Variants in SYT1 observed in about 807,000 individuals in gnomAD.
SYT1 encodes the protein synaptotagmin 1.
Under a neutral mutation model 44.8 loss-of-function variants are expected in SYT1, and 8 were observed. That is an observed-to-expected ratio of 0.18 (90% confidence interval 0.10 to 0.32). SYT1 has a LOEUF of 0.32. Among genes scored for constraint, SYT1 ranks in the 10% least tolerant of loss-of-function variants. SYT1 has a pLI of 1.00. For missense variants in SYT1, 286 were observed against 509.3 expected (o/e 0.56, Z 4.22); for synonymous variants, 154 against 188.8 (o/e 0.82, Z 1.51).
At chr12:79,307,594 C>T (rs1880460690) in intron 8 of SYT1, among the ~76,000 whole-genome samples, 1 of 133,606 alleles carries the variant, frequency 7.5e-6, no homozygotes, top group Admixed American at 7.3e-5. Context: ...GTTGGGCGAG[C>T]CCGGGGATGG....
intron 3 of SYT1, among the ~76,000 whole-genome samples, chr12:79,188,313 T>TA (rs1430823065): frequency 6.6e-6 from 1 of 152,104 alleles, no homozygotes; most frequent in Non-Finnish European, 1.5e-5. Flanking sequence ...TTGGAACTTA[T>TA]AAAAAATGTA....
intron 9 of SYT1, among the ~76,000 whole-genome samples, chr12:79,418,400 G>C (rs1005656764): frequency 1.3e-5 from 2 of 152,090 alleles, no homozygotes; most frequent in Non-Finnish European, 2.9e-5. Context: ...CTCCAATGGG[G>C]TTTTGGTTAG....
intron 3 of SYT1, among the ~76,000 whole-genome samples, chr12:79,093,667 C>G (rs945129502): frequency 4.0e-5 from 6 of 151,518 alleles, no homozygotes; most frequent in Admixed American, 2.6e-4. Context: ...TTTTATGTAT[C>G]ATTTCTTCAT....
At chr12:79,180,028 A>G (rs12301398) in intron 3 of SYT1, among the ~76,000 whole-genome samples, 1 of 151,818 alleles carries the variant, frequency 6.6e-6, no homozygotes, top group Non-Finnish European at 1.5e-5. Flanking sequence ...TACTTTGTGC[A>G]TGTTATTTTA....
chr12:79,021,742 T>C (rs1872208923), intron 2 of SYT1, among the ~76,000 whole-genome samples: 1 of 151,824 alleles, frequency 6.6e-6, no homozygotes, highest in Non-Finnish European at 1.5e-5. Flanking sequence ...TTAGAAAATA[T>C]ATAATGCCCA....
chr12:79,171,850 C>G (rs974644763), intron 3 of SYT1, among the ~76,000 whole-genome samples: 1 of 151,868 alleles, frequency 6.6e-6, no homozygotes, highest in African/African-American at 2.4e-5. Flanking sequence ...ATAATGTATT[C>G]CTCCTTATTT....
At chr12:79,437,290 G>A (rs1397855682) in intron 9 of SYT1, among the ~76,000 whole-genome samples, 1 of 152,104 alleles carries the variant, frequency 6.6e-6, no homozygotes. Context: ...TTGAAATTGA[G>A]GACATTACTG....
intron 2 of SYT1, among the ~76,000 whole-genome samples, chr12:79,008,426 A>G (rs1429270080): frequency 6.6e-6 from 1 of 152,184 alleles, no homozygotes; most frequent in Non-Finnish European, 1.5e-5. Context: ...ATAATAAGCC[A>G]CTGAGATGTT....
At chr12:79,259,933 T>G (rs1877737674) in intron 4 of SYT1, among the ~76,000 whole-genome samples, 1 of 152,226 alleles carries the variant, frequency 6.6e-6, no homozygotes, top group Admixed American at 6.5e-5. Flanking sequence ...CCACCGTTCC[T>G]TATTTTTCAG....
At chr12:79,081,478 A>G (rs12319380) in intron 3 of SYT1, among the ~76,000 whole-genome samples, 18,009 of 151,718 alleles carry the variant, frequency 0.12, 1,140 homozygotes, top group Non-Finnish European at 0.13. Flanking sequence ...CTCCTGGTTA[A>G]TCTGATTCTC....
chr12:79,240,523 T>G (rs537846554), intron 4 of SYT1, among the ~76,000 whole-genome samples: 1 of 152,354 alleles, frequency 6.6e-6, no homozygotes, highest in Non-Finnish European at 1.5e-5. Flanking sequence ...TTATTCTCAG[T>G]CTAGTGAATC....
chr12:79,004,790 A>C (rs1274538537), intron 2 of SYT1, among the ~76,000 whole-genome samples: 1 of 151,992 alleles, frequency 6.6e-6, no homozygotes, highest in Non-Finnish European at 1.5e-5. Context: ...AGATAAAGGA[A>C]ATGGAGCAGA....
chr12:79,177,173 T>A (rs1871938736), intron 3 of SYT1, among the ~76,000 whole-genome samples: 1 of 107,532 alleles, frequency 9.3e-6, no homozygotes, highest in African/African-American at 3.7e-5. Flanking sequence ...ATTAGGTATA[T>A]CTCCCAATGC....
intron 8 of SYT1, among the ~76,000 whole-genome samples, chr12:79,340,501 G>A (rs537679782): frequency 6.6e-6 from 1 of 151,190 alleles, no homozygotes; most frequent in East Asian, 1.9e-4. Flanking sequence ...GAATGCTTGT[G>A]ATTTTGCATA....
rs1427763499 is a variant in SYT1, at chr12:79,062,326, G to A, written c.-18+14964G>A. On this transcript the variant is annotated intron_variant, in intron 3 of 10. Transcript: ENST00000261205. ...ATTCAGATGTTTTCTGACAGTAGCTGCCTACCAGGTTTGCCTTCATTGACT... is the reference window on the plus strand; with the variant it reads ...ATTCAGATGTTTTCTGACAGTAGCTACCTACCAGGTTTGCCTTCATTGACT... Among the ~76,000 whole-genome samples the A allele has an allele frequency of 3.9e-5, 6 of 152,150 alleles. No individual in the cohort carries two copies. The East Asian group carries it at 9.6e-4, about 24-fold the overall frequency.
chr12:79,007,868 A>G (rs1871189826), intron 2 of SYT1, among the ~76,000 whole-genome samples: 1 of 152,124 alleles, frequency 6.6e-6, no homozygotes, highest in South Asian at 2.1e-4. Context: ...GTGGATAAAA[A>G]GTATGAGTAA....
intron 8 of SYT1, among the ~76,000 whole-genome samples, chr12:79,321,859 A>G (rs762608995): frequency 6.6e-6 from 1 of 152,200 alleles, no homozygotes; most frequent in South Asian, 2.1e-4. Context: ...CCAGTTCATC[A>G]TGTGTAATTT....
chr12:79,341,946 G>T (rs1227504951), intron 8 of SYT1, among the ~76,000 whole-genome samples: 1 of 152,112 alleles, frequency 6.6e-6, no homozygotes, highest in Non-Finnish European at 1.5e-5. Context: ...TGAAAGATGA[G>T]TGAAAGTTAA....
chr12:78,880,619 C>T (rs1874401679), intron 1 of SYT1, among the ~76,000 whole-genome samples: 1 of 151,328 alleles, frequency 6.6e-6, no homozygotes, highest in Non-Finnish European at 1.5e-5. Flanking sequence ...ATTGTCTCTC[C>T]ATTAATTAGA....
Sources: gnomAD v4.1 joint callset for allele counts (sites outside exome capture counted in the v4.1 genomes callset) on GRCh38, gnomAD v4.1.1 for gene constraint, MANE v1.5 for transcripts, NCBI Gene and HGNC (gene_info 2026-07-23, HGNC 2026-07-21) for gene names.